HDGFL3: variants seen among roughly 807,000 people sequenced by gnomAD.
HDGFL3 encodes the protein hepatoma-derived growth factor-related protein 3.
HDGFL3 carries 6 observed loss-of-function variants against 27.6 expected under a neutral mutation model. That is an observed-to-expected ratio of 0.22 (90% CI 0.12 to 0.43). The LOEUF (loss-of-function observed/expected upper bound fraction) is 0.43, where lower values mean the gene tolerates loss of function less well. Ranked by LOEUF, HDGFL3 falls within the 20% of genes least tolerant of loss-of-function variation. The pLI, the probability that HDGFL3 is intolerant of heterozygous loss-of-function variation, is 1.00. For missense variants in HDGFL3, 207 were observed against 250.1 expected, an observed-to-expected ratio of 0.83 and a Z score of 1.16; for synonymous variants, 88 against 88.9, an observed-to-expected ratio of 0.99 and a Z score of 0.05.
intron 1 of HDGFL3, among the ~76,000 whole-genome samples, chr15:83,181,657 G>T (rs1275323314): frequency 1.3e-5 from 2 of 152,172 alleles, no homozygotes; most frequent in African/African-American, 4.8e-5. Flanking sequence ...TGTATTTTTA[G>T]TAGAGAAAGG....
At chr15:83,153,050 C>T (rs562157851) in intron 4 of HDGFL3, among the ~76,000 whole-genome samples, 7 of 147,336 alleles carry the variant, frequency 4.8e-5, no homozygotes, top group Non-Finnish European at 1.0e-4. Context: ...GCTGGAGTGC[C>T]GTGGGGCTAT....
downstream of HDGFL3, chr15:83,126,902 A>C: frequency 6.8e-7 from 1 of 1,463,814 alleles, no homozygotes; most frequent in Non-Finnish European, 9.5e-7. Context: ...TTTTTAAAAA[A>C]TGGGTCCCAG....
intron 1 of HDGFL3, among the ~76,000 whole-genome samples, chr15:83,164,367 CAAA>C (rs869303457): frequency 3.8e-3 from 145 of 38,372 alleles, no homozygotes; most frequent in African/African-American, 0.011. Flanking sequence ...TTAGAGTAAC[CAAA>C]AAAAAAAAAA....
chr15:83,153,324 A>G lies in HDGFL3; in HGVS notation c.460-1963T>C, dbSNP rs369057425. ...TGAGCCACCATGCCTGGCCCCTGGC[A>G]GTTCTCATAATAATGAACAACTCCC... On this transcript the variant is annotated intron_variant, in intron 4 of 5. Transcript: ENST00000299633. 3.9e-5 allele frequency among the ~76,000 whole-genome samples: 6 copies of G among 152,214 alleles called. No individual in the cohort carries two copies. In the East Asian group the frequency reaches 1.2e-3, roughly 29 times the overall value.
chr15:83,125,801 A>G (rs1381885503), downstream of HDGFL3, among the ~76,000 whole-genome samples: 1 of 152,238 alleles, frequency 6.6e-6, no homozygotes, highest in Non-Finnish European at 1.5e-5. Context: ...GGGCCTGTGC[A>G]GCAGGCTGGG....
intron 2 of HDGFL3, 104 bp downstream of exon 2, chr15:83,163,895 G>C (rs887234011): frequency 1.3e-6 from 1 of 763,562 alleles, no homozygotes; most frequent in African/African-American, 1.8e-5. Flanking sequence ...TTATATAACT[G>C]ATTATAATGA....
At chr15:83,115,421 A>G (rs1772511072) in exon 4 of HDGFL3, 1 of 336,744 alleles carries the variant, frequency 3.0e-6, no homozygotes, top group Non-Finnish European at 5.8e-6. Context: ...CCCAGCCTGA[A>G]TCATTGTCTT....
intron 3 of HDGFL3, among the ~76,000 whole-genome samples, chr15:83,116,872 G>T (rs1201508984): frequency 1.3e-5 from 2 of 152,222 alleles, no homozygotes; most frequent in Non-Finnish European, 2.9e-5. Flanking sequence ...GAATTTGGAA[G>T]AATGCTGCTG....
At chr15:83,206,579 G>A (rs1370648701) in intron 1 of HDGFL3, among the ~76,000 whole-genome samples, 1 of 152,210 alleles carries the variant, frequency 6.6e-6, no homozygotes, top group Non-Finnish European at 1.5e-5. Flanking sequence ...GAGAGCTATT[G>A]TGGACTGTAG....
At chr15:83,171,274 A>G (rs564523125) in intron 1 of HDGFL3, among the ~76,000 whole-genome samples, 47 of 151,134 alleles carry the variant, frequency 3.1e-4, no homozygotes, top group South Asian at 1.7e-3. Context: ...GGAAAAAACA[A>G]TGTTCACACA....
downstream of HDGFL3, among the ~76,000 whole-genome samples, chr15:83,124,473 A>C (rs192909180): frequency 2.4e-4 from 36 of 152,338 alleles, no homozygotes; most frequent in Non-Finnish European, 4.4e-4. Context: ...CATTTAGCCC[A>C]AATTCTTCAT....
At chr15:83,120,409 T>C (rs2035111572) in intron 3 of HDGFL3, among the ~76,000 whole-genome samples, 1 of 152,096 alleles carries the variant, frequency 6.6e-6, no homozygotes, top group Non-Finnish European at 1.5e-5. Flanking sequence ...ACCCAGAAGG[T>C]ACACCCTTTG....
chr15:83,183,684 C>T (rs929235686), intron 1 of HDGFL3, among the ~76,000 whole-genome samples: 3 of 150,858 alleles, frequency 2.0e-5, no homozygotes, highest in Non-Finnish European at 4.4e-5. Context: ...GAGGCGGAGG[C>T]GGAGGTTGCA....
At chr15:83,155,620 A>G (rs1402112990) in intron 4 of HDGFL3, among the ~76,000 whole-genome samples, 1 of 151,652 alleles carries the variant, frequency 6.6e-6, no homozygotes, top group Non-Finnish European at 1.5e-5. Context: ...AGGCAATCAC[A>G]TGTTTTTCAT....
At chr15:83,170,304 C>T (rs1387182029) in intron 1 of HDGFL3, among the ~76,000 whole-genome samples, 1 of 152,190 alleles carries the variant, frequency 6.6e-6, no homozygotes. Flanking sequence ...CATCACATTA[C>T]CTGACTTCAA....
At position 83,135,793 on chromosome 15, in the gene HDGFL3, A is replaced by G. The variant is rs1305159179; in HGVS notation, c.*3477T>C. 4 of 152,228 alleles carry G rather than the reference A, an allele frequency of 2.6e-5. No individual in the cohort carries two copies. Among genetic ancestry groups the G allele is most frequent in the Non-Finnish European group, 5.9e-5 (4 of 68,044 alleles). 9.4% of individuals were successfully genotyped at this position (152,228 alleles called of 1,614,324 possible). A position where few individuals can be genotyped will look rare whatever the true frequency, so the allele number is the denominator to read the frequency against. On this transcript the variant is annotated 3_prime_UTR_variant, in exon 6 of 6. Coordinates refer to ENST00000299633, the MANE Select transcript of HDGFL3 (RefSeq NM_016073.4). ...ATTTAAAAAGGTTGCCTGCATGTAC[A>G]TTTGCCATTTTACAAAGAGCAACCG... is the stretch of plus-strand genomic sequence containing the variant.
intron 5 of HDGFL3, among the ~76,000 whole-genome samples, chr15:83,141,984 A>G (rs1397400719): frequency 6.6e-6 from 1 of 152,200 alleles, no homozygotes; most frequent in Non-Finnish European, 1.5e-5. Context: ...ACCATTTCAC[A>G]CAACTCAATG....
At chr15:83,195,151 CTCTT>C (rs1363545264) in intron 1 of HDGFL3, among the ~76,000 whole-genome samples, 2 of 152,138 alleles carry the variant, frequency 1.3e-5, no homozygotes, top group African/African-American at 4.8e-5. Context: ...CTTTTCCACG[CTCTT>C]TCTTAGTCAG....
chr15:83,125,632 A>C (rs112033389), downstream of HDGFL3, among the ~76,000 whole-genome samples: 166 of 152,356 alleles, frequency 1.1e-3, 1 homozygote, highest in African/African-American at 3.9e-3. Context: ...TCTTAGTAGA[A>C]ATGAATTTGG....
Sources: gnomAD v4.1 joint callset for allele counts (sites outside exome capture counted in the v4.1 genomes callset) on GRCh38, gnomAD v4.1.1 for gene constraint, MANE v1.5 for transcripts, NCBI Gene and HGNC (gene_info 2026-07-23, HGNC 2026-07-21) for gene names.